Variants in PLS1 observed in about 807,000 individuals in gnomAD.
PLS1 encodes plastin-1.
PLS1 carries 32 observed loss-of-function variants against 73.7 expected under a neutral mutation model. The observed-to-expected ratio is 0.43, with a 90% CI of 0.33 to 0.58. The LOEUF is 0.58. Among genes scored for constraint, PLS1 ranks in the 20% least tolerant of loss-of-function variants. The probability of loss-of-function intolerance (pLI) is 0.04; values close to 1 mark genes in which losing one functional copy is unlikely to be tolerated. For missense variants in PLS1, 633 were observed against 740.5 expected (o/e 0.85, Z 1.68); for synonymous variants, 217 against 261.3 (o/e 0.83, Z 1.63).
chr3:142,605,259 T>TG (rs745652626), intron 1 of PLS1, among the ~76,000 whole-genome samples: 18 of 152,368 alleles, frequency 1.2e-4, no homozygotes, highest in Admixed American at 3.3e-4. Flanking sequence ...TTCCTTTCAC[T>TG]GATAAGTGGC....
intron 1 of PLS1, among the ~76,000 whole-genome samples, chr3:142,628,366 A>G (rs6779917): frequency 7.6e-5 from 2 of 26,292 alleles, no homozygotes; most frequent in African/African-American, 9.5e-4. Flanking sequence ...TGCAGTGTGC[A>G]TGTGTGCGCG....
At chr3:142,642,465 G>T (rs1156963475) in intron 1 of PLS1, among the ~76,000 whole-genome samples, 1 of 152,094 alleles carries the variant, frequency 6.6e-6, no homozygotes, top group African/African-American at 2.4e-5. Flanking sequence ...AAATGGAATT[G>T]TTTCATCAAC....
At chr3:142,600,905 TA>T (rs1560024469) in intron 1 of PLS1, among the ~76,000 whole-genome samples, 65 of 31,446 alleles carry the variant, frequency 2.1e-3, no homozygotes, top group Middle Eastern at 0.01. Context: ...TATATATATA[TA>T]TATATATATA....
chr3:142,685,430 G>A (rs1359955852), intron 8 of PLS1, among the ~76,000 whole-genome samples: 1 of 152,150 alleles, frequency 6.6e-6, no homozygotes, highest in East Asian at 1.9e-4. Flanking sequence ...CATTTTGTGG[G>A]TTGATGCATC....
intron 11 of PLS1, 60 bp from the exon 12 acceptor site, chr3:142,697,893 T>C: frequency 1.1e-6 from 1 of 899,168 alleles, no homozygotes; most frequent in Non-Finnish European, 1.9e-6. Flanking sequence ...GTGTACTTAA[T>C]AAAATTAGGT....
chr3:142,710,386 A>C (rs930916152), intron 14 of PLS1, among the ~76,000 whole-genome samples: 1 of 152,118 alleles, frequency 6.6e-6, no homozygotes, highest in Non-Finnish European at 1.5e-5. Context: ...GGCTTAGACC[A>C]GTGTTTTGAA....
chr3:142,632,190 A>C (rs1019415123), intron 1 of PLS1, among the ~76,000 whole-genome samples: 2 of 152,126 alleles, frequency 1.3e-5, no homozygotes, highest in Non-Finnish European at 2.9e-5. Flanking sequence ...ATAATGCAAA[A>C]ATTATACACA....
At chr3:142,706,237 A>G (rs2038459431) in intron 14 of PLS1, among the ~76,000 whole-genome samples, 1 of 152,214 alleles carries the variant, frequency 6.6e-6, no homozygotes, top group Non-Finnish European at 1.5e-5. Context: ...TTAAAGACAA[A>G]GATTGTATAA....
rs549482155 is a variant in PLS1 at position 142,662,682 on chromosome 3, C to T, written c.-36-1520C>T. ...ATGGAGAAGAACAAAGATTTATCTG[C>T]AAGGATGTTCATTGAAGCATTATTT... On this transcript the variant is annotated intron_variant, in intron 1 of 15. Coordinates refer to ENST00000457734, the MANE Select transcript of PLS1 (RefSeq NM_001145319.2). Among the ~76,000 whole-genome samples the T allele has an allele frequency of 2.0e-5, 3 of 152,124 alleles. No homozygotes were observed. In the East Asian group the frequency reaches 5.8e-4, roughly 29 times the overall value.
chr3:142,656,676 C>T (rs1214918621), intron 1 of PLS1: 1 of 152,156 alleles, frequency 6.6e-6, no homozygotes, highest in Non-Finnish European at 1.5e-5. Context: ...GAAAATTCTT[C>T]AACTATTTCA....
At chr3:142,677,768 G>A (rs769622827) in intron 5 of PLS1, among the ~76,000 whole-genome samples, 14 of 152,136 alleles carry the variant, frequency 9.2e-5, no homozygotes, top group Admixed American at 2.0e-4. Flanking sequence ...ATTAAGTTCC[G>A]GCATGAATTA....
At chr3:142,658,897 G>T (rs2037301756) in intron 1 of PLS1, among the ~76,000 whole-genome samples, 1 of 152,192 alleles carries the variant, frequency 6.6e-6, no homozygotes, top group Admixed American at 6.5e-5. Context: ...CCGTGAGAGA[G>T]TAGGAATGCT....
chr3:142,623,625 C>A (rs974876693), intron 1 of PLS1: 10 of 152,164 alleles, frequency 6.6e-5, no homozygotes, highest in African/African-American at 2.4e-4. Context: ...GCTGCTTTTT[C>A]ATATAATTGT....
At chr3:142,690,952 G>T (rs2038073099) in intron 10 of PLS1, among the ~76,000 whole-genome samples, 1 of 152,050 alleles carries the variant, frequency 6.6e-6, no homozygotes, top group South Asian at 2.1e-4. Context: ...GATTTTTCTT[G>T]CTAATTGCCC....
chr3:142,623,433 T>C (rs2036355193), intron 1 of PLS1: 1 of 152,232 alleles, frequency 6.6e-6, no homozygotes, highest in Non-Finnish European at 1.5e-5. Context: ...CAGTGTGGAA[T>C]TGCTTCTTTT....
chr3:142,668,114 G>A (rs538151200), intron 2 of PLS1, among the ~76,000 whole-genome samples: 20 of 152,324 alleles, frequency 1.3e-4, no homozygotes, highest in African/African-American at 2.6e-4. Flanking sequence ...ATTAGCAGAT[G>A]AGCAAAGAGA....
intron 1 of PLS1, among the ~76,000 whole-genome samples, chr3:142,641,293 TATAG>T (rs1216207562): frequency 6.8e-6 from 1 of 146,536 alleles, no homozygotes; most frequent in Non-Finnish European, 1.5e-5. Flanking sequence ...CTATATTATA[TATAG>T]ATAAATAATA....
intron 1 of PLS1, among the ~76,000 whole-genome samples, chr3:142,608,303 C>T (rs953068864): frequency 6.6e-6 from 1 of 152,214 alleles, no homozygotes; most frequent in Non-Finnish European, 1.5e-5. Context: ...TATGAGACAG[C>T]ATCTAACCTA....
chr3:142,648,288 C>T (rs779949392), intron 1 of PLS1, among the ~76,000 whole-genome samples: 2 of 151,954 alleles, frequency 1.3e-5, no homozygotes, highest in Non-Finnish European at 2.9e-5. Flanking sequence ...TAGAACAATA[C>T]GGAAGAGGCC....
Sources: gnomAD v4.1 joint callset for allele counts (sites outside exome capture counted in the v4.1 genomes callset) on GRCh38, gnomAD v4.1.1 for gene constraint, MANE v1.5 for transcripts, NCBI Gene and HGNC (gene_info 2026-07-23, HGNC 2026-07-21) for gene names.